The following ARHGAP22 variants were observed in gnomAD, a reference collection of about 807,000 sequenced individuals.
ARHGAP22 encodes Rho GTPase activating protein 22.
In ARHGAP22, 48 loss-of-function variants were observed where a neutral mutation model predicts 59.1. That is an observed-to-expected ratio of 0.81 (90% CI 0.64 to 1.03). The LOEUF (loss-of-function observed/expected upper bound fraction) is 1.03. Among genes scored for constraint, ARHGAP22 ranks in the 50% least tolerant of loss-of-function variants. The pLI is 0.00. For synonymous variants in ARHGAP22, 445 were observed against 416.4 expected, an observed-to-expected ratio of 1.07 and a Z score of -0.84; for missense variants, 1,015 against 958.7, an observed-to-expected ratio of 1.06 and a Z score of -0.78.
intron 4 of ARHGAP22, among the ~76,000 whole-genome samples, chr10:48,475,153 CCAATGACTGCTCAGCTTTCAT>C (rs2048592058): frequency 6.6e-6 from 1 of 152,234 alleles, no homozygotes; most frequent in Admixed American, 6.5e-5. Context: ...GCTCAAGTCA[CCAATGACTGCTCAGCTTTCAT>C]CCTCTGGTTG....
rs923215245 is a variant in ARHGAP22 at position 48,544,865 on chromosome 10, A to T, written c.322+10598T>A. 5.3e-5 allele frequency among the ~76,000 whole-genome samples: 8 copies of T among 152,250 alleles called. No homozygotes were observed. In the East Asian group the frequency reaches 7.7e-4, roughly 15 times the overall value. ...AAACATCACTATGTACCCCATGAATATGTACAATTATTATGTGTCAATTTA... is the reference window on the plus strand; with the variant it reads ...AAACATCACTATGTACCCCATGAATTTGTACAATTATTATGTGTCAATTTA... On this transcript the variant is annotated intron_variant, in intron 3 of 9. Coordinates refer to ENST00000249601, the MANE Select transcript of ARHGAP22 (RefSeq NM_021226.4).
At chr10:48,642,262 A>C (rs1170368431) in intron 1 of ARHGAP22, among the ~76,000 whole-genome samples, 2 of 152,240 alleles carry the variant, frequency 1.3e-5, no homozygotes, top group Non-Finnish European at 2.9e-5. Context: ...GGAAACAAAA[A>C]AGAGCCCGCA....
Position 48,457,925 on chromosome 10 carries a change from G to A in ARHGAP22, c.659+1759C>T, listed in dbSNP as rs183798032. Among the ~76,000 whole-genome samples, 961 of 150,854 alleles carry A rather than the reference G, an allele frequency of 6.4e-3. 8 individuals carry two copies. The highest frequency in any genetic ancestry group is 0.017 in the South Asian group (82 of 4,742). ...GGTGAGGAGGAGACCCTCTGTTGGG[G>A]GTGGGTAGGGAGGGGGGACCTTCTG... On this transcript the variant is annotated intron_variant, in intron 5 of 9. Transcript: ENST00000249601.
upstream of ARHGAP22, among the ~76,000 whole-genome samples, chr10:48,606,714 G>A (rs2060690549): frequency 6.6e-6 from 1 of 152,194 alleles, no homozygotes; most frequent in Non-Finnish European, 1.5e-5. Flanking sequence ...TGCACGTGCA[G>A]TTCCCTCTCT....
intron 1 of ARHGAP22, among the ~76,000 whole-genome samples, chr10:48,599,906 T>C (rs2060283460): frequency 6.6e-6 from 1 of 152,182 alleles, no homozygotes; most frequent in African/African-American, 2.4e-5. Flanking sequence ...CTGACAGCTT[T>C]GTATTGCTGG....
At chr10:48,464,812 G>T (rs1728413530) in intron 4 of ARHGAP22, among the ~76,000 whole-genome samples, 1 of 152,122 alleles carries the variant, frequency 6.6e-6, no homozygotes, top group African/African-American at 2.4e-5. Flanking sequence ...TCTTTAGGGG[G>T]TGCTATGAGG....
At chr10:48,459,204 C>T (rs1294608620) in intron 5 of ARHGAP22, among the ~76,000 whole-genome samples, 2 of 152,136 alleles carry the variant, frequency 1.3e-5, no homozygotes, top group Non-Finnish European at 2.9e-5. Flanking sequence ...TGGACATGGC[C>T]CCGGCCCCAG....
At chr10:48,509,930 C>T (rs569432228) in intron 3 of ARHGAP22, among the ~76,000 whole-genome samples, 4 of 152,302 alleles carry the variant, frequency 2.6e-5, no homozygotes, top group South Asian at 4.1e-4. Flanking sequence ...ACTAACAGAA[C>T]GCTTTCCAGA....
Position 48,456,721 on chromosome 10 carries a change from G to A in ARHGAP22, c.660-1587C>T, listed in dbSNP as rs944268423. Among the ~76,000 whole-genome samples the A allele has an allele frequency of 6.6e-5, 10 of 152,148 alleles. No individual in the cohort carries two copies. In the South Asian group the frequency reaches 8.3e-4, roughly 13 times the overall value. On this transcript the variant is annotated intron_variant, in intron 5 of 9. Coordinates refer to ENST00000249601, the MANE Select transcript of ARHGAP22 (RefSeq NM_021226.4). ...CCACCCCTCCTCTGCAGACCTGCCC[G>A]GCTGCATCCCTGCCCCGCAGGGTCC... is the stretch of plus-strand genomic sequence containing the variant.
intron 1 of ARHGAP22, among the ~76,000 whole-genome samples, chr10:48,623,853 G>A (rs1450823760): frequency 6.6e-6 from 1 of 152,218 alleles, no homozygotes; most frequent in East Asian, 1.9e-4. Flanking sequence ...TTCCTCTCAA[G>A]AGAAATTCAA....
At chr10:48,470,772 C>T (rs2133955698) in intron 4 of ARHGAP22, among the ~76,000 whole-genome samples, 1 of 152,336 alleles carries the variant, frequency 6.6e-6, no homozygotes, top group South Asian at 2.1e-4. Context: ...AAAGCCCAGG[C>T]CCACTGGCCA....
At position 48,522,587 on chromosome 10, in the gene ARHGAP22, C is replaced by A. The variant is rs79492564; in HGVS notation, c.322+32876G>T. Among the ~76,000 whole-genome samples, 1,210 of 152,350 alleles carry A rather than the reference C, an allele frequency of 7.9e-3. 9 individuals carry two copies. Among genetic ancestry groups the A allele is most frequent in the Admixed American group, 0.019 (293 of 15,302 alleles). On this transcript the variant is annotated intron_variant, in intron 3 of 9. Transcript: ENST00000249601. ...GAGACTAAAGCTGCTCGTCCAGGCC[C>A]TGGCGGGGGTGAAATCCTGGGCTCT...
intron 3 of ARHGAP22, chr10:48,546,686 T>G (rs766265829): frequency 2.9e-4 from 47 of 164,304 alleles, no homozygotes; most frequent in Middle Eastern, 6.5e-3. Flanking sequence ...ACTCTGAGGT[T>G]ACTTACTGTG....
intron 1 of ARHGAP22, among the ~76,000 whole-genome samples, chr10:48,646,471 A>C (rs1269431729): frequency 1.3e-5 from 2 of 152,262 alleles, no homozygotes; most frequent in African/African-American, 4.8e-5. Context: ...TGGTATAGGC[A>C]CAAGGATAGG....
At chr10:48,573,264 G>C (rs73300252) in intron 2 of ARHGAP22, among the ~76,000 whole-genome samples, 1 of 152,074 alleles carries the variant, frequency 6.6e-6, no homozygotes, top group Non-Finnish European at 1.5e-5. Context: ...ATGGTTTACC[G>C]CATGAGTTTA....
chr10:48,561,510 A>G (rs541185614), intron 2 of ARHGAP22, among the ~76,000 whole-genome samples: 1 of 152,184 alleles, frequency 6.6e-6, no homozygotes, highest in Non-Finnish European at 1.5e-5. Context: ...CATTTAAATT[A>G]AAAAAACTGC....
chr10:48,540,021 G>A (rs1448597687), intron 3 of ARHGAP22, among the ~76,000 whole-genome samples: 1 of 152,130 alleles, frequency 6.6e-6, no homozygotes, highest in Non-Finnish European at 1.5e-5. Flanking sequence ...TCTGTGACTC[G>A]CTCTGGACCT....
chr10:48,471,016 G>A (rs977446568), intron 4 of ARHGAP22, among the ~76,000 whole-genome samples: 1 of 152,196 alleles, frequency 6.6e-6, no homozygotes, highest in Non-Finnish European at 1.5e-5. Context: ...AGCTAACAAG[G>A]TTGCATTTCA....
intron 3 of ARHGAP22, among the ~76,000 whole-genome samples, chr10:48,499,871 C>A (rs1327625500): frequency 6.6e-6 from 1 of 152,164 alleles, no homozygotes; most frequent in Non-Finnish European, 1.5e-5. Context: ...GAGATGCCAG[C>A]AGCATAATAG....
Sources: allele counts gnomAD v4.1 joint callset (sites outside exome capture counted in the v4.1 genomes callset), GRCh38; gene constraint gnomAD v4.1.1; transcripts MANE v1.5; gene names NCBI Gene and HGNC (gene_info 2026-07-23, HGNC 2026-07-21).